The following SLC30A8 variants were observed in gnomAD, a reference collection of about 807,000 sequenced individuals.
SLC30A8 encodes the protein proton-coupled zinc antiporter SLC30A8.
In SLC30A8, 27 loss-of-function variants were observed where a neutral mutation model predicts 36.9. The observed-to-expected ratio is 0.73, with a 90% CI of 0.54 to 1.01. The LOEUF is 1.01. Among genes scored for constraint, SLC30A8 ranks in the 50% least tolerant of loss-of-function variants. SLC30A8 has a pLI of 0.00. For synonymous variants in SLC30A8, 164 were observed against 172.4 expected (o/e 0.95, Z 0.38); for missense variants, 439 against 452.0 (o/e 0.97, Z 0.26).
At chr8:117,097,977 A>C (rs1300651397) in intron 2 of SLC30A8, among the ~76,000 whole-genome samples, 2 of 125,804 alleles carry the variant, frequency 1.6e-5, no homozygotes, top group Non-Finnish European at 3.2e-5. Context: ...ATAAATAATA[A>C]ATTTAATAAA....
intron 1 of SLC30A8, among the ~76,000 whole-genome samples, chr8:116,995,197 T>C (rs1341271101): frequency 1.3e-5 from 2 of 152,090 alleles, no homozygotes; most frequent in Admixed American, 6.5e-5. Context: ...TGTGATGCCA[T>C]TTTCCTTGCT....
intron 2 of SLC30A8, among the ~76,000 whole-genome samples, chr8:117,128,258 A>C (rs1195265497): frequency 6.6e-6 from 1 of 152,094 alleles, no homozygotes; most frequent in Non-Finnish European, 1.5e-5. Context: ...GAATTATGGC[A>C]CAGCGGCCAC....
In SLC30A8 at chr8:117,032,201, AC is replaced by A. The variant is rs149671434; in HGVS notation, c.-265-7017del. On this transcript the variant is annotated intron_variant, in intron 1 of 10. Transcript: ENST00000427715. ...TCAGGCACAGTAAACTTCTCTATCT[AC>A]TACTGAACCTTCATAATGCTTTACA... 2.2e-3 allele frequency among the ~76,000 whole-genome samples: 337 copies of A among 150,918 alleles called. 3 individuals are homozygous for A. The highest frequency in any genetic ancestry group is 7.8e-3 in the African/African-American group (320 of 41,012).
chr8:117,140,615 A>G (rs1586577185), intron 1 of SLC30A8, among the ~76,000 whole-genome samples: 3 of 152,100 alleles, frequency 2.0e-5, no homozygotes. Flanking sequence ...GTAAAAGAAA[A>G]AGAAATTCCT....
intron 2 of SLC30A8, among the ~76,000 whole-genome samples, chr8:117,062,988 A>G (rs928209978): frequency 1.3e-5 from 2 of 152,168 alleles, no homozygotes; most frequent in Non-Finnish European, 2.9e-5. Flanking sequence ...ATGTAACACC[A>G]TGAGAGGGCT....
chr8:116,983,330 C>G (rs1258580679), intron 1 of SLC30A8, among the ~76,000 whole-genome samples: 1 of 152,060 alleles, frequency 6.6e-6, no homozygotes, highest in African/African-American at 2.4e-5. Context: ...GCAAAATGAT[C>G]AGAGGCTGTG....
At chr8:117,110,756 C>T (rs1188116024) in intron 2 of SLC30A8, among the ~76,000 whole-genome samples, 1 of 152,070 alleles carries the variant, frequency 6.6e-6, no homozygotes, top group Non-Finnish European at 1.5e-5. Context: ...TGTCATTTTG[C>T]TTGATTTATA....
chr8:117,079,089 G>C (rs547922638), intron 2 of SLC30A8, among the ~76,000 whole-genome samples: 1 of 151,818 alleles, frequency 6.6e-6, no homozygotes, highest in African/African-American at 2.4e-5. Context: ...TCGGCTTACT[G>C]CAACTTTCGC....
chr8:117,077,077 A>G (rs1250073331), intron 2 of SLC30A8, among the ~76,000 whole-genome samples: 1 of 152,196 alleles, frequency 6.6e-6, no homozygotes, highest in African/African-American at 2.4e-5. Context: ...TAGCAAATGT[A>G]GCTCTTGATA....
At chr8:116,990,568 A>G (rs6469667) in intron 1 of SLC30A8, among the ~76,000 whole-genome samples, 71,197 of 152,046 alleles carry the variant, frequency 0.47, 17,523 homozygotes, top group Non-Finnish European at 0.53. Context: ...CTTATGCAAA[A>G]TAAGGAAAGA....
At chr8:117,157,890 G>A in intron 4 of SLC30A8, 46 bp downstream of exon 4, 2 of 1,601,366 alleles carry the variant, frequency 1.2e-6, no homozygotes, top group East Asian at 2.2e-5. Context: ...AGGCTCTCCT[G>A]TAACTATCTG....
At chr8:117,157,316 C>T (rs1290604564) in intron 3 of SLC30A8, among the ~76,000 whole-genome samples, 5 of 152,126 alleles carry the variant, frequency 3.3e-5, no homozygotes, top group Non-Finnish European at 7.4e-5. Flanking sequence ...AGTTTCTAAA[C>T]ACATTTTACT....
intron 2 of SLC30A8, among the ~76,000 whole-genome samples, chr8:117,116,300 A>AAAAATACCC (rs1220351713): frequency 1.3e-5 from 2 of 152,152 alleles, no homozygotes; most frequent in African/African-American, 4.8e-5. Context: ...TTTTGATCTA[A>AAAAATACCC]AAAATACCCA....
intron 1 of SLC30A8, among the ~76,000 whole-genome samples, chr8:117,038,149 A>C (rs1482098477): frequency 6.6e-6 from 1 of 152,202 alleles, no homozygotes; most frequent in African/African-American, 2.4e-5. Context: ...TGTTCTTCAA[A>C]ACTAATATGG....
chr8:116,988,597 T>C (rs1166846221), intron 1 of SLC30A8, among the ~76,000 whole-genome samples: 1 of 152,248 alleles, frequency 6.6e-6, no homozygotes, highest in African/African-American at 2.4e-5. Flanking sequence ...ATATTAATCC[T>C]TTTTAGATGA....
intron 2 of SLC30A8, among the ~76,000 whole-genome samples, chr8:117,088,107 G>A (rs1393504871): frequency 6.6e-6 from 1 of 151,924 alleles, no homozygotes; most frequent in Admixed American, 6.6e-5. Flanking sequence ...GAGAGAAAGA[G>A]AAACAAACAG....
intron 1 of SLC30A8, among the ~76,000 whole-genome samples, chr8:117,029,157 C>T (rs1365587871): frequency 6.6e-6 from 1 of 152,142 alleles, no homozygotes; most frequent in Non-Finnish European, 1.5e-5. Context: ...GCTACTTTGA[C>T]CCTGCCAGGA....
intron 2 of SLC30A8, among the ~76,000 whole-genome samples, chr8:117,048,407 G>C (rs904531951): frequency 7.9e-5 from 12 of 152,136 alleles, no homozygotes; most frequent in African/African-American, 2.7e-4. Context: ...ATAACATCTA[G>C]ATATGTTCTA....
intron 1 of SLC30A8, among the ~76,000 whole-genome samples, chr8:116,978,410 C>A (rs62510466): frequency 5.2e-4 from 79 of 152,242 alleles, no homozygotes; most frequent in Non-Finnish European, 8.4e-4. Context: ...AAACCACTGG[C>A]TATGATGCTC....
Sources: allele counts gnomAD v4.1 joint callset (sites outside exome capture counted in the v4.1 genomes callset), GRCh38; gene constraint gnomAD v4.1.1; transcripts MANE v1.5; gene names NCBI Gene and HGNC (gene_info 2026-07-23, HGNC 2026-07-21).